Variants in DNAJC13 observed in about 807,000 individuals in gnomAD.
The protein encoded by DNAJC13 is dnaJ homolog subfamily C member 13.
DNAJC13 carries 75 observed loss-of-function variants against 290.5 expected under a neutral mutation model. That is an observed-to-expected ratio of 0.26 (90% CI 0.21 to 0.31). The LOEUF (loss-of-function observed/expected upper bound fraction) is 0.31. DNAJC13 is among the 10% of genes least tolerant of loss of function. The probability of loss-of-function intolerance (pLI) is 1.00; values close to 1 mark genes in which losing one functional copy is unlikely to be tolerated. For synonymous variants in DNAJC13, 862 were observed against 892.0 expected, an observed-to-expected ratio of 0.97 and a Z score of 0.60; for missense variants, 2,260 against 2,674.5, an observed-to-expected ratio of 0.85 and a Z score of 3.42.
chr3:132,456,935 C>T, intron 12 of DNAJC13, 103 bp downstream of exon 12: 1 of 1,272,454 alleles, frequency 7.9e-7, no homozygotes, highest in South Asian at 1.5e-5. Flanking sequence ...AACCAGATAC[C>T]TTTTATAGGG....
At chr3:132,434,132 C>T (rs560664959) in intron 1 of DNAJC13, among the ~76,000 whole-genome samples, 6 of 151,804 alleles carry the variant, frequency 4.0e-5, no homozygotes, top group Admixed American at 2.6e-4. Context: ...ATGGCGTGAA[C>T]GCGGGAGGCG....
chr3:132,535,386 C>T lies in DNAJC13; in HGVS notation c.6626-2790C>T, dbSNP rs557769126. ...GGCATATTTTGTTTTATGATAAATG[C>T]TTATTTAAAGGTGCCTCAGTGGAAT... On this transcript the variant is annotated intron_variant, in intron 55 of 55. Coordinates refer to ENST00000260818, the MANE Select transcript of DNAJC13 (RefSeq NM_015268.4). Among the ~76,000 whole-genome samples, 9 of 152,226 alleles carry T rather than the reference C, an allele frequency of 5.9e-5. No individual in the cohort carries two copies. The South Asian group carries it at 1.5e-3, about 25-fold the overall frequency.
At position 132,480,364 on chromosome 3, in the gene DNAJC13, T is replaced by C; in HGVS notation, c.2773-5T>C. On this transcript the variant is annotated splice_polypyrimidine_tract_variant and splice_region_variant and intron_variant, in intron 25 of 55. Coordinates refer to ENST00000260818, the MANE Select transcript of DNAJC13 (RefSeq NM_015268.4). ...GATTACGAAAAAAATGTTTTCCTCT[T>C]CCAGAAAAATGTTAAGGATCTCATG... 6.2e-7 allele frequency: 1 copy of C among 1,607,436 alleles called. No individual in the cohort carries two copies. The highest frequency in any genetic ancestry group is 8.5e-7 in the Non-Finnish European group (1 of 1,174,776).
At chr3:132,504,064 A>G (rs1221754604) in intron 41 of DNAJC13, among the ~76,000 whole-genome samples, 1 of 151,938 alleles carries the variant, frequency 6.6e-6, no homozygotes, top group Non-Finnish European at 1.5e-5. Context: ...ATGGATTGAT[A>G]GATTTGTACC....
intron 3 of DNAJC13, among the ~76,000 whole-genome samples, 166 bp from the exon 4 acceptor site, chr3:132,447,155 A>G (rs938040996): frequency 6.6e-6 from 1 of 152,080 alleles, no homozygotes; most frequent in Non-Finnish European, 1.5e-5. Context: ...CTGACTAAAA[A>G]CCTTTAAAAG....
At chr3:132,505,516 T>C (rs1030984316) in intron 42 of DNAJC13, 101 bp downstream of exon 42, 7 of 766,160 alleles carry the variant, frequency 9.1e-6, no homozygotes, top group Middle Eastern at 2.5e-4. Flanking sequence ...CTTCTCACTT[T>C]AGTGTCAGTC....
chr3:132,492,559 T>C lies in DNAJC13; in HGVS notation c.3769T>C (p.Tyr1257His). 6.2e-7 allele frequency: 1 copy of C among 1,613,828 alleles called. No homozygotes were observed. The highest frequency in any genetic ancestry group is 8.5e-7 in the Non-Finnish European group (1 of 1,179,782). The part of the protein sequence containing the change: ...LENELFCNIY[Y>H]LKQLCDTLRF... The stretch of plus-strand genomic sequence containing the variant: ...AAATGAACTATTTTGTAATATTTAT[T>C]ACCTCAAACAACTGTGTGATACACT... Residue 1257 changes from tyrosine to histidine, a missense_variant, in exon 33 of 56, where the codon TAC (tyrosine) becomes CAC (histidine). By Grantham distance (83) the Tyr-to-His change is moderately conservative (BLOSUM62 2). This residue lies in a region of DNAJC13 where 1,494 missense variants were observed against 1,693.7 expected (regional missense o/e 0.88). Transcript: ENST00000260818.
intron 29 of DNAJC13, among the ~76,000 whole-genome samples, chr3:132,484,912 T>A (rs545933086): frequency 8.0e-4 from 122 of 151,646 alleles, no homozygotes; most frequent in Middle Eastern, 3.4e-3. Flanking sequence ...CTACAAAAAA[T>A]AAATAAATAA....
Position 132,454,117 on chromosome 3 carries a change from T to C in DNAJC13, c.892T>C (p.Phe298Leu), listed in dbSNP as rs763254633. The change falls in exon 9 of 56, where the codon TTT becomes CTT. Residue 298 changes from phenylalanine to leucine, a missense_variant. Coordinates refer to ENST00000260818, the MANE Select transcript of DNAJC13 (RefSeq NM_015268.4). ...SENPQLFTIE[F>L]IKGQVRKYSS... ...AAATCCACAACTTTTTACCATTGAA[T>C]TTATAAAAGGGCAAGTACGGAAATA... 1 of 1,608,874 alleles carries C rather than the reference T, an allele frequency of 6.2e-7. No individual in the cohort carries two copies. Among genetic ancestry groups the C allele is most frequent in the Non-Finnish European group, 8.5e-7 (1 of 1,178,504 alleles).
intron 19 of DNAJC13, among the ~76,000 whole-genome samples, chr3:132,466,622 A>G (rs1576476675): frequency 3.3e-5 from 5 of 152,230 alleles, no homozygotes; most frequent in Admixed American, 2.6e-4. Context: ...TTGTGCAGCT[A>G]TCACCACAAA....
At chr3:132,443,858 T>G (rs1933152924) in intron 2 of DNAJC13, among the ~76,000 whole-genome samples, 1 of 152,172 alleles carries the variant, frequency 6.6e-6, no homozygotes, top group Non-Finnish European at 1.5e-5. Flanking sequence ...TGCATACAAC[T>G]CCAGGATCCT....
Position 132,498,070 on chromosome 3 carries a change from G to T in DNAJC13, c.4157-1056G>T, listed in dbSNP as rs528579418. On this transcript the variant is annotated intron_variant, in intron 36 of 55. Transcript: ENST00000260818. ...ATAGGTTAGATTGAAAAAAGAAGAT[G>T]GAAAGAACAGAGTAATTAGGCATGT... Among the ~76,000 whole-genome samples, 24 of 152,086 alleles carry T rather than the reference G, an allele frequency of 1.6e-4. No individual in the cohort carries two copies. The South Asian group carries it at 5.0e-3, about 32-fold the overall frequency.
chr3:132,453,642 T>C lies in DNAJC13; in HGVS notation c.788T>C (p.Val263Ala), dbSNP rs774006453. Residue 263 changes from valine to alanine, a missense_variant, in exon 8 of 56, where the codon GTA becomes GCA. Val to Ala is a moderately conservative substitution (Grantham distance 64). Coordinates refer to ENST00000260818, the MANE Select transcript of DNAJC13 (RefSeq NM_015268.4). ...RVLALTETCL[V>A]ERDPATYNIA... ...CTAGCACTTACAGAAACATGTTTAGTAGAACGTGATCCGGCAACCTATAAT... is the reference window on the plus strand; with the variant it reads ...CTAGCACTTACAGAAACATGTTTAGCAGAACGTGATCCGGCAACCTATAAT... The C allele has an allele frequency of 1.4e-4, 219 of 1,613,422 alleles. No homozygotes were observed. The highest frequency in any genetic ancestry group is 1.8e-4 in the Non-Finnish European group (214 of 1,179,858).
At chr3:132,477,737 T>C (rs1237639776) in intron 22 of DNAJC13, 52 bp from the exon 23 acceptor site, 2 of 1,361,766 alleles carry the variant, frequency 1.5e-6, no homozygotes, top group Non-Finnish European at 2.0e-6. Flanking sequence ...TATTAGAAAT[T>C]GCCAAAATCT....
In DNAJC13 at chr3:132,447,948, T is replaced by A; in HGVS notation, c.336+9T>A. On this transcript the variant is annotated intron_variant, in intron 5 of 55. Transcript: ENST00000260818. ...GAAAAATCACAGGAAGGGTAAATATTTAACATTTATTATGTATTTTTATTT... is the reference window on the plus strand; with the variant it reads ...GAAAAATCACAGGAAGGGTAAATATATAACATTTATTATGTATTTTTATTT... The A allele has an allele frequency of 6.8e-7, 1 of 1,477,716 alleles. No homozygotes were observed. The highest frequency in any genetic ancestry group is 1.4e-5 in the African/African-American group (1 of 72,038). The allele number at this position is 1,477,716 out of a possible 1,614,324, so 91.5% of individuals were successfully genotyped here.
At position 132,492,573 on chromosome 3, in the gene DNAJC13, G is replaced by C. The variant is rs772931179; in HGVS notation, c.3783G>C (p.Leu1261=). Residue 1261 remains leucine, a synonymous_variant, in exon 33 of 56, where the codon CTG becomes CTC. Transcript: ENST00000260818. Reference sequence around the variant, plus strand: ...GTAATATTTATTACCTCAAACAACTGTGTGATACACTCCGGTTTCCAGATT... The same window carrying C: ...GTAATATTTATTACCTCAAACAACTCTGTGATACACTCCGGTTTCCAGATT... ...LFCNIYYLKQ[L]CDTLRFPDWP... is the part of the protein sequence containing the mutation. 3 of 1,613,660 alleles carry C rather than the reference G, an allele frequency of 1.9e-6. No individual in the cohort carries two copies. The South Asian group carries it at 3.3e-5, about 18-fold the overall frequency.
At chr3:132,502,573 T>C in intron 40 of DNAJC13, 105 bp downstream of exon 40, 1 of 1,082,560 alleles carries the variant, frequency 9.2e-7, no homozygotes. Flanking sequence ...AGATAAATTG[T>C]TTTTCAGGAA....
Position 132,538,402 on chromosome 3 carries a change from T to G in DNAJC13, c.*120T>G, listed in dbSNP as rs1285684382. 2.9e-6 allele frequency: 2 copies of G among 679,450 alleles called. No individual in the cohort carries two copies. The highest frequency in any genetic ancestry group is 4.7e-6 in the Non-Finnish European group (2 of 422,566). 42.1% of individuals were successfully genotyped at this position (679,450 alleles called of 1,614,324 possible). A position where few individuals can be genotyped will look rare whatever the true frequency, so the allele number is the denominator to read the frequency against. ...TGGTTTCATGACAGTGTTATTCCTTTTTCTATAAATATATTTTTAGGAAAA... is the reference window on the plus strand; with the variant it reads ...TGGTTTCATGACAGTGTTATTCCTTGTTCTATAAATATATTTTTAGGAAAA... On this transcript the variant is annotated 3_prime_UTR_variant, in exon 56 of 56. Coordinates refer to ENST00000260818, the MANE Select transcript of DNAJC13 (RefSeq NM_015268.4).
chr3:132,459,266 G>C (rs995002583), intron 13 of DNAJC13, among the ~76,000 whole-genome samples: 5 of 152,008 alleles, frequency 3.3e-5, no homozygotes, highest in African/African-American at 1.2e-4. Flanking sequence ...AAACAAAAAG[G>C]AAGGAAATTC....
Sources: allele counts gnomAD v4.1 joint callset (sites outside exome capture counted in the v4.1 genomes callset), GRCh38; gene constraint gnomAD v4.1.1; regional missense constraint gnomAD v4.1.1; transcripts MANE v1.5; gene names NCBI Gene and HGNC (gene_info 2026-07-23, HGNC 2026-07-21).